The following TRIM36 variants were observed in gnomAD, a reference collection of about 807,000 sequenced individuals.
TRIM36 encodes tripartite motif containing 36.
Under a neutral mutation model 72.4 loss-of-function variants are expected in TRIM36, and 42 were observed. That is an observed-to-expected ratio of 0.58 (90% confidence interval 0.45 to 0.75). The LOEUF is 0.75. TRIM36 is among the 30% of genes least tolerant of loss of function. The pLI is 0.00. For missense variants in TRIM36, 913 were observed against 857.1 expected, an observed-to-expected ratio of 1.07 and a Z score of -0.81; for synonymous variants, 315 against 282.8, an observed-to-expected ratio of 1.11 and a Z score of -1.14.
At chr5:115,180,157 C>G (rs954352356) in exon 1 of TRIM36, 16 of 995,226 alleles carry the variant, frequency 1.6e-5, no homozygotes, top group Non-Finnish European at 2.4e-5. Flanking sequence ...AAGCTGTTAA[C>G]CAGGAAAAGA....
intron 2 of TRIM36, among the ~76,000 whole-genome samples, chr5:115,154,947 A>C (rs1363882640): frequency 6.6e-6 from 1 of 152,092 alleles, no homozygotes; most frequent in Non-Finnish European, 1.5e-5. Context: ...TGGAAGGCTG[A>C]GGCAGGCAGA....
At chr5:115,151,887 G>A (rs1753913878) in intron 2 of TRIM36, among the ~76,000 whole-genome samples, 1 of 152,176 alleles carries the variant, frequency 6.6e-6, no homozygotes, top group African/African-American at 2.4e-5. Flanking sequence ...CAGCAACCTT[G>A]AGCCCTAACA....
chr5:115,144,408 T>C (rs1276639378), intron 4 of TRIM36, among the ~76,000 whole-genome samples, 190 bp downstream of exon 4: 1 of 152,168 alleles, frequency 6.6e-6, no homozygotes, highest in East Asian at 1.9e-4. Flanking sequence ...ATGCCGGGCC[T>C]TATCAGTACC....
At chr5:115,148,415 CTTTTTTTTTTTTT>C (rs146223001) in intron 2 of TRIM36, 105,386 of 507,858 alleles carry the variant, frequency 0.21, 7,417 homozygotes, top group Non-Finnish European at 0.22. Context: ...TAAATCTGTT[CTTTTTTTTTTTTT>C]TTTTTTTTTT....
chr5:115,172,715 G>A (rs111503462), upstream of TRIM36, among the ~76,000 whole-genome samples: 4,485 of 151,112 alleles, frequency 0.03, 225 homozygotes, highest in African/African-American at 0.1. Context: ...CAGCCTTGGC[G>A]ACAGAGCGAG....
chr5:115,177,562 G>A, intron 1 of TRIM36: 2 of 1,412,040 alleles, frequency 1.4e-6, no homozygotes, highest in Non-Finnish European at 1.8e-6. Context: ...TTAATATTCA[G>A]TGTTCAAATC....
At chr5:115,150,016 C>T (rs1166473265) in intron 2 of TRIM36, among the ~76,000 whole-genome samples, 1 of 152,196 alleles carries the variant, frequency 6.6e-6, no homozygotes, top group African/African-American at 2.4e-5. Context: ...GCCTCGGCCT[C>T]CCAAAGTGCT....
Position 115,163,564 on chromosome 5 carries a change from C to A in TRIM36, c.216G>T (p.Arg72=), listed in dbSNP as rs1754601099. 6.2e-7 allele frequency: 1 copy of A among 1,614,026 alleles called. No individual in the cohort carries two copies. The highest frequency in any genetic ancestry group is 1.1e-5 in the South Asian group (1 of 91,082). The part of the protein sequence containing the change: ...DNSNQSSPRL[R]LPSPSMDKID... ...TTTTATCCATACTAGGGGAGGGGAG[C>A]CGAAGTCGAGGACTGCTTTGATTGG... is the stretch of plus-strand genomic sequence containing the variant. The change falls in exon 2 of 10, where the codon CGG becomes CGT. Residue 72 remains arginine (R), a synonymous_variant. Coordinates refer to ENST00000513154, the MANE Select transcript of TRIM36 (RefSeq NM_001300759.2).
At position 115,141,314 on chromosome 5, in the gene TRIM36, T is replaced by G; in HGVS notation, c.796A>C (p.Ile266Leu). The change falls in exon 5 of 10, where the codon ATA becomes CTA. Residue 266 changes from isoleucine (I) to leucine (L), a missense_variant. Coordinates refer to ENST00000513154, the MANE Select transcript of TRIM36 (RefSeq NM_001300759.2). Reference sequence around the variant, plus strand: ...TTCATTAACAAGTTTAGTTCAGATATTTGACTCTTCACCTGGCTTTCCTTA... The same window carrying G: ...TTCATTAACAAGTTTAGTTCAGATAGTTGACTCTTCACCTGGCTTTCCTTA... ...IGKESQVKSQ[I>L]SELNLLMKET... 1 of 1,606,408 alleles carries G rather than the reference T, an allele frequency of 6.2e-7. No homozygotes were observed. Among genetic ancestry groups the G allele is most frequent in the Non-Finnish European group, 8.5e-7 (1 of 1,178,122 alleles).
At chr5:115,167,585 A>T (rs2126941603) in intron 1 of TRIM36, among the ~76,000 whole-genome samples, 1 of 152,300 alleles carries the variant, frequency 6.6e-6, no homozygotes, top group Non-Finnish European at 1.5e-5. Flanking sequence ...GTTTCCGACA[A>T]GTTCCTCATC....
At position 115,126,428 on chromosome 5, in the gene TRIM36, A is replaced by T; in HGVS notation, c.*75T>A. 8.6e-7 allele frequency: 1 copy of T among 1,168,286 alleles called. No homozygotes were observed. The highest frequency in any genetic ancestry group is 1.5e-5 in the African/African-American group (1 of 65,452). 72.4% of individuals were successfully genotyped at this position (1,168,286 alleles called of 1,614,324 possible). ...GGTGACAGAACACTCAGCGATATGTAATTAGTTACGAAGGTTAACGCTAAG... is the reference window on the plus strand; with the variant it reads ...GGTGACAGAACACTCAGCGATATGTTATTAGTTACGAAGGTTAACGCTAAG... On this transcript the variant is annotated 3_prime_UTR_variant, in exon 10 of 10. Transcript: ENST00000513154.
chr5:115,165,716 G>A (rs1754730615), intron 1 of TRIM36, among the ~76,000 whole-genome samples: 1 of 152,128 alleles, frequency 6.6e-6, no homozygotes, highest in Non-Finnish European at 1.5e-5. Context: ...CCGAGTTGGT[G>A]CGGAGGGAGC....
intron 3 of TRIM36, among the ~76,000 whole-genome samples, chr5:115,145,004 T>C (rs1753505859): frequency 6.6e-6 from 1 of 152,208 alleles, no homozygotes; most frequent in Non-Finnish European, 1.5e-5. Context: ...GATCTCGTCA[T>C]AATATATAGA....
intron 4 of TRIM36, among the ~76,000 whole-genome samples, chr5:115,142,268 G>C (rs1481987042): frequency 6.6e-6 from 1 of 152,096 alleles, no homozygotes; most frequent in Non-Finnish European, 1.5e-5. Flanking sequence ...CACAGGCTGA[G>C]AGGTACGTCT....
intron 2 of TRIM36, among the ~76,000 whole-genome samples, chr5:115,159,842 T>C (rs1422749139): frequency 1.3e-5 from 2 of 152,102 alleles, no homozygotes; most frequent in Non-Finnish European, 2.9e-5. Context: ...GCCAGGAGCA[T>C]AAAACATACA....
At chr5:115,133,752 C>A in intron 8 of TRIM36, 108 bp downstream of exon 8, 1 of 1,135,622 alleles carries the variant, frequency 8.8e-7, no homozygotes, top group Non-Finnish European at 1.2e-6. Context: ...CTTTTAAAAA[C>A]AAGAGCTGGT....
At chr5:115,168,034 T>C (rs768458837) in intron 1 of TRIM36, among the ~76,000 whole-genome samples, 2 of 152,136 alleles carry the variant, frequency 1.3e-5, no homozygotes, top group Non-Finnish European at 2.9e-5. Flanking sequence ...CCATCAGATA[T>C]TGGGAGAATT....
chr5:115,160,876 TAAG>T (rs776532684), intron 2 of TRIM36, among the ~76,000 whole-genome samples: 2 of 152,006 alleles, frequency 1.3e-5, no homozygotes, highest in African/African-American at 2.4e-5. Flanking sequence ...GATAAAAACT[TAAG>T]AAGAAAGCTG....
rs754639599 is a variant in TRIM36, at chr5:115,179,940, G to A, written c.63+35C>T. 6 of 1,605,816 alleles carry A rather than the reference G, an allele frequency of 3.7e-6. No homozygotes were observed. The South Asian group carries it at 4.4e-5, about 12-fold the overall frequency. ...GGGCCAGGTAGTGCCGGAGTCGGGGGCCCAGGCCGCGGCGCCCCGCGCCTC... is the reference window on the plus strand; with the variant it reads ...GGGCCAGGTAGTGCCGGAGTCGGGGACCCAGGCCGCGGCGCCCCGCGCCTC... On this transcript the variant is annotated intron_variant, in intron 1 of 9. Coordinates refer to the TRIM36 transcript ENST00000282369.
Sources: allele counts gnomAD v4.1 joint callset (sites outside exome capture counted in the v4.1 genomes callset), GRCh38; gene constraint gnomAD v4.1.1; transcripts MANE v1.5; gene names NCBI Gene and HGNC (gene_info 2026-07-23, HGNC 2026-07-21).